The following GOLGA7B variants were observed in gnomAD, a reference collection of about 807,000 sequenced individuals.
GOLGA7B encodes the protein golgin subfamily A member 7B.
A neutral mutation model predicts 21.5 loss-of-function variants in GOLGA7B; 17 were observed. The observed-to-expected ratio is 0.79, with a 90% confidence interval of 0.54 to 1.19. The LOEUF is 1.19. GOLGA7B is among the 50% of genes most tolerant of loss of function. GOLGA7B has a pLI of 0.00. For missense variants in GOLGA7B, 169 were observed against 224.4 expected, an observed-to-expected ratio of 0.75 and a Z score of 1.58; for synonymous variants, 87 against 84.0, an observed-to-expected ratio of 1.04 and a Z score of -0.19.
rs1183731573 is a variant in GOLGA7B, at chr10:97,869,891, G to A, written c.*4191G>A. 1 of 152,298 alleles carries A rather than the reference G, an allele frequency of 6.6e-6. No individual in the cohort carries two copies. Among genetic ancestry groups the A allele is most frequent in the East Asian group, 1.9e-4 (1 of 5,188 alleles). The allele number at this position is 152,298 out of a possible 1,614,324, so 9.4% of individuals were successfully genotyped here. ...ACTCACAATGAGGGGGGCCCAGACA[G>A]GAGGCATCACCACCTGGTTTGGGCT... On this transcript the variant is annotated 3_prime_UTR_variant, in exon 5 of 5. Coordinates refer to ENST00000370602, the MANE Select transcript of GOLGA7B (RefSeq NM_001010917.3).
At chr10:97,859,013 T>G (rs528573384) in intron 1 of GOLGA7B, among the ~76,000 whole-genome samples, 175 of 152,354 alleles carry the variant, frequency 1.1e-3, no homozygotes, top group Non-Finnish European at 2.2e-3. Flanking sequence ...TGTGTGCACG[T>G]GCACGTGCGA....
Position 97,871,091 on chromosome 10 carries a change from T to A in GOLGA7B, c.*5391T>A, listed in dbSNP as rs949977364. 6.6e-6 allele frequency: 1 copy of A among 152,204 alleles called. No individual in the cohort carries two copies. Among genetic ancestry groups the A allele is most frequent in the Non-Finnish European group, 1.5e-5 (1 of 68,036 alleles). The allele number at this position is 152,204 out of a possible 1,614,324, so 9.4% of individuals were successfully genotyped here. ...AGCCCAGCCTTCGGAGGTTTCCGCA[T>A]GAGCCTTCTCGGGCGACTTCTAGGA... is the stretch of plus-strand genomic sequence containing the variant. On this transcript the variant is annotated 3_prime_UTR_variant, in exon 5 of 5. Coordinates refer to ENST00000370602, the MANE Select transcript of GOLGA7B (RefSeq NM_001010917.3).
At position 97,864,089 on chromosome 10, in the gene GOLGA7B, C is replaced by T. The variant is rs778616207; in HGVS notation, c.291+7C>T. 1.1e-5 allele frequency: 17 copies of T among 1,613,774 alleles called. No homozygotes were observed. The highest frequency in any genetic ancestry group is 1.4e-5 in the Non-Finnish European group (17 of 1,179,810). On this transcript the variant is annotated splice_region_variant and intron_variant, in intron 3 of 4. Transcript: ENST00000370602. ...GGAGACCCACTATGAGAAGGTGGCC[C>T]CTCCCGCCCCACCGTGCATCCCTTC...
intron 1 of GOLGA7B, among the ~76,000 whole-genome samples, chr10:97,857,224 C>T (rs992615528): frequency 7.9e-5 from 12 of 152,146 alleles, no homozygotes; most frequent in African/African-American, 2.7e-4. Flanking sequence ...AAATTTCAGT[C>T]TTTAATCCAT....
intron 2 of GOLGA7B, among the ~76,000 whole-genome samples, chr10:97,862,928 G>C (rs1315480529): frequency 1.3e-5 from 2 of 152,146 alleles, no homozygotes; most frequent in Non-Finnish European, 2.9e-5. Context: ...CAAAGGGCCT[G>C]AGGAAATTTC....
At chr10:97,862,186 T>G (rs1419365104) in intron 2 of GOLGA7B, among the ~76,000 whole-genome samples, 2 of 152,224 alleles carry the variant, frequency 1.3e-5, no homozygotes, top group African/African-American at 4.8e-5. Flanking sequence ...TAGCAGTCAC[T>G]AAGTATTTAT....
rs2050073477 is a variant in GOLGA7B, at chr10:97,869,945, C to G, written c.*4245C>G. The G allele has an allele frequency of 6.6e-6, 1 of 152,290 alleles. No individual in the cohort carries two copies. The highest frequency in any genetic ancestry group is 6.5e-5 in the Admixed American group (1 of 15,288). 9.4% of individuals were successfully genotyped at this position (152,290 alleles called of 1,614,324 possible). A position where few individuals can be genotyped will look rare whatever the true frequency, so the allele number is the denominator to read the frequency against. ...CCATTCACCCAGGGATAAGGCAAGG[C>G]AAACACCACTCCACATCAGATCTGA... On this transcript the variant is annotated 3_prime_UTR_variant, in exon 5 of 5. Transcript: ENST00000370602.
chr10:97,859,561 T>G lies in GOLGA7B; in HGVS notation c.116T>G (p.Phe39Cys), dbSNP rs779454360. The G allele has an allele frequency of 5.0e-6, 8 of 1,613,598 alleles. No homozygotes were observed. The highest frequency in any genetic ancestry group is 6.8e-6 in the Non-Finnish European group (8 of 1,179,894). ...DGTICQFQTKFPPELDSRIER... is the reference protein window; with the variant it reads ...DGTICQFQTKCPPELDSRIER... ...ACCATCTGTCAGTTCCAGACCAAATTCCCCCCAGAGCTGGACAGCCGGGTA... is the reference window on the plus strand; with the variant it reads ...ACCATCTGTCAGTTCCAGACCAAATGCCCCCCAGAGCTGGACAGCCGGGTA... The change falls in exon 2 of 5, where the codon TTC becomes TGC. Residue 39 changes from phenylalanine (F) to cysteine (C), a missense_variant. Physicochemically the swap from Phe to Cys is radical, Grantham distance 205 (BLOSUM62 -2). Transcript: ENST00000370602.
At chr10:97,863,816 G>A in intron 2 of GOLGA7B, 114 bp from the exon 3 acceptor site, 1 of 1,174,442 alleles carries the variant, frequency 8.5e-7, no homozygotes, top group South Asian at 1.5e-5. Flanking sequence ...TTGCCTGTGT[G>A]CCAATGTCAT....
Position 97,864,020 on chromosome 10 carries a change from G to T in GOLGA7B, c.229G>T (p.Gly77Cys), listed in dbSNP as rs1325465104. Residue 77 changes from glycine to cysteine, a missense_variant, in exon 3 of 5, where the codon GGC becomes TGC. Gly to Cys is a radical substitution (Grantham distance 159, BLOSUM62 -3). Coordinates refer to ENST00000370602, the MANE Select transcript of GOLGA7B (RefSeq NM_001010917.3). ...GATTGGGGGCAGCTCCTACCTCGAG[G>T]GCTGCCTGGCCTGCGCCACGGCCTA... ...EKIGGSSYLE[G>C]CLACATAYFI... 1.2e-6 allele frequency: 2 copies of T among 1,614,048 alleles called. No individual in the cohort carries two copies. Among genetic ancestry groups the T allele is most frequent in the Non-Finnish European group, 1.7e-6 (2 of 1,180,000 alleles).
At position 97,865,842 on chromosome 10, in the gene GOLGA7B, C is replaced by T. The variant is rs2050016543; in HGVS notation, c.*142C>T. 7.9e-7 allele frequency: 1 copy of T among 1,268,102 alleles called. No individual in the cohort carries two copies. Among genetic ancestry groups the T allele is most frequent in the Non-Finnish European group, 1.1e-6 (1 of 946,206 alleles). The allele number at this position is 1,268,102 out of a possible 1,614,324, so 78.6% of individuals were successfully genotyped here. ...CCGGGGTGGGAGGGAGGGTGACGGG[C>T]CTCATATTTCCTGTGGGCCATCAAC... is the stretch of plus-strand genomic sequence containing the variant. On this transcript the variant is annotated 3_prime_UTR_variant, in exon 5 of 5. Coordinates refer to ENST00000370602, the MANE Select transcript of GOLGA7B (RefSeq NM_001010917.3).
chr10:97,855,416 T>C (rs2049929337), intron 1 of GOLGA7B, among the ~76,000 whole-genome samples: 1 of 152,214 alleles, frequency 6.6e-6, no homozygotes, highest in East Asian at 1.9e-4. Flanking sequence ...GCAGGTTTTG[T>C]ATGGGTCAGA....
chr10:97,859,394 T>A (rs1453670815), intron 1 of GOLGA7B, 64 bp from the exon 2 acceptor site: 23 of 1,550,684 alleles, frequency 1.5e-5, no homozygotes, highest in Non-Finnish European at 2.0e-5. Flanking sequence ...GGGAAACCCC[T>A]GCATTTGGGA....
intron 2 of GOLGA7B, 85 bp from the exon 3 acceptor site, chr10:97,863,845 C>T (rs1436965745): frequency 5.7e-6 from 8 of 1,410,856 alleles, no homozygotes; most frequent in Non-Finnish European, 7.7e-6. Flanking sequence ...TCTACATGGC[C>T]CCACCATTGT....
intron 1 of GOLGA7B, among the ~76,000 whole-genome samples, chr10:97,854,852 C>A (rs1010981525): frequency 6.6e-6 from 1 of 152,154 alleles, no homozygotes; most frequent in South Asian, 2.1e-4. Flanking sequence ...GTATTCCAGG[C>A]GGTGATTCAA....
At chr10:97,864,389 C>A (rs1460838270) in intron 4 of GOLGA7B, 120 bp downstream of exon 4, 2 of 733,744 alleles carry the variant, frequency 2.7e-6, no homozygotes, top group Admixed American at 4.9e-5. Context: ...CCCAGGATTC[C>A]CCACATCAGT....
In GOLGA7B at chr10:97,865,633, CCAGCAGCGGCAG is replaced by C. The variant is rs759281769; in HGVS notation, c.450_461del (p.Ser151_Ser154del). On this transcript the variant is annotated inframe_deletion, in exon 5 of 5. Coordinates refer to ENST00000370602, the MANE Select transcript of GOLGA7B (RefSeq NM_001010917.3). ...GAGGACCGGTGCAGCAGTGGCAGCT[CCAGCAGCGGCAG>C]CAGCAGCGGCAGTGGCAGCAGCAGC... 6.2e-6 allele frequency: 10 copies of C among 1,612,792 alleles called. No individual in the cohort carries two copies. Among genetic ancestry groups the C allele is most frequent in the South Asian group, 3.3e-5 (3 of 90,940 alleles).
chr10:97,862,107 C>T (rs996299471), intron 2 of GOLGA7B, among the ~76,000 whole-genome samples: 1 of 152,180 alleles, frequency 6.6e-6, no homozygotes, highest in African/African-American at 2.4e-5. Context: ...GTGACCTTCC[C>T]GGCTGTCTGG....
At position 97,870,274 on chromosome 10, in the gene GOLGA7B, AG is replaced by A. The variant is rs2136527107; in HGVS notation, c.*4575del. 6.6e-6 allele frequency: 1 copy of A among 152,336 alleles called. No individual in the cohort carries two copies. Among genetic ancestry groups the A allele is most frequent in the East Asian group, 1.9e-4 (1 of 5,188 alleles). The allele number at this position is 152,336 out of a possible 1,614,324, so 9.4% of individuals were successfully genotyped here. On this transcript the variant is annotated 3_prime_UTR_variant, in exon 5 of 5. Coordinates refer to ENST00000370602, the MANE Select transcript of GOLGA7B (RefSeq NM_001010917.3). ...GTTTTGACAGTACCTATAGCCTATA[AG>A]CCTTTAATACACCTCTGAAAATGCC...
Sources: allele counts gnomAD v4.1 joint callset (sites outside exome capture counted in the v4.1 genomes callset), GRCh38; gene constraint gnomAD v4.1.1; transcripts MANE v1.5; gene names NCBI Gene and HGNC (gene_info 2026-07-23, HGNC 2026-07-21).